Variants in ZNF595 observed in about 807,000 individuals in gnomAD.
ZNF595 encodes the protein zinc finger protein 595.
In ZNF595, 9 loss-of-function variants were observed where a neutral mutation model predicts 19.4. The ratio of observed to expected loss-of-function variants is 0.46; its 90% CI spans 0.28 to 0.81. The LOEUF (loss-of-function observed/expected upper bound fraction) is 0.81. ZNF595 is among the 30% of genes least tolerant of loss of function. The pLI is 0.11. For synonymous variants in ZNF595, 255 were observed against 255.9 expected (o/e 1.00, Z 0.03); for missense variants, 729 against 736.0 (o/e 0.99, Z 0.11).
chr4:55,183 G>A (rs1348662474), intron 1 of ZNF595, among the ~76,000 whole-genome samples: 3 of 151,456 alleles, frequency 2.0e-5, no homozygotes, highest in African/African-American at 2.4e-5. Flanking sequence ...CACCGCGCCC[G>A]GCCTCCCACC....
chr4:54,881 C>A (rs1413730958), intron 1 of ZNF595, among the ~76,000 whole-genome samples: 1 of 152,308 alleles, frequency 6.6e-6, no homozygotes. Flanking sequence ...CCTGCTCCCA[C>A]TCATGGCTTT....
At chr4:85,302 G>C (rs1054642205) in intron 3 of ZNF595, among the ~76,000 whole-genome samples, 5 of 152,188 alleles carry the variant, frequency 3.3e-5, no homozygotes, top group Non-Finnish European at 5.9e-5. Context: ...TCAGCTCTCT[G>C]TGTTGTTGGA....
chr4:74,627 AT>A (rs782544517), intron 3 of ZNF595, among the ~76,000 whole-genome samples: 3 of 152,228 alleles, frequency 2.0e-5, no homozygotes, highest in Non-Finnish European at 2.9e-5. Context: ...AGCAATCGAT[AT>A]ATGTAAGAAG....
chr4:66,419 A>G (rs1581332000), intron 3 of ZNF595, among the ~76,000 whole-genome samples: 1 of 151,528 alleles, frequency 6.6e-6, no homozygotes, highest in Non-Finnish European at 1.5e-5. Context: ...TGGGACTCTT[A>G]CTAAAACTTT....
At chr4:80,851 A>G (rs906389701) in intron 3 of ZNF595, among the ~76,000 whole-genome samples, 1 of 151,142 alleles carries the variant, frequency 6.6e-6, no homozygotes, top group Admixed American at 6.6e-5. Context: ...TCTGGGATAC[A>G]TGTGCAGAAT....
chr4:68,680 T>A (rs61792213), intron 3 of ZNF595, among the ~76,000 whole-genome samples: 1 of 148,028 alleles, frequency 6.8e-6, no homozygotes, highest in East Asian at 2.0e-4. Flanking sequence ...GTGATTTTGA[T>A]GAAGGCATGA....
Position 86,356 on chromosome 4 carries a change from C to G in ZNF595, c.852C>G (p.Tyr284Ter). The G allele has an allele frequency of 6.2e-7, 1 of 1,613,748 alleles. No individual in the cohort carries two copies. The highest frequency in any genetic ancestry group is 8.5e-7 in the Non-Finnish European group (1 of 1,179,896). ...AAATTCATACTGGAGAGAAACCCTA[C>G]AAATGTAAAGAATGTGGCAAAGCCT... ...HKKIHTGEKPYKCKECGKAFR... is the reference protein window; with the variant it reads ...HKKIHTGEKP The change falls in exon 4 of 4, where the codon TAC becomes TAG. Residue 284 changes from tyrosine to a stop codon, truncating the protein, a stop_gained. Transcript: ENST00000610261. LOFTEE classifies it high-confidence loss of function.
intron 3 of ZNF595, among the ~76,000 whole-genome samples, chr4:63,774 C>T (rs1581327154): frequency 3.3e-5 from 5 of 150,856 alleles, no homozygotes; most frequent in African/African-American, 1.2e-4. Flanking sequence ...CCAGCTATGA[C>T]CTTTCTTCTC....
chr4:57,353 C>T (rs1581314183), intron 1 of ZNF595, among the ~76,000 whole-genome samples: 3 of 152,240 alleles, frequency 2.0e-5, no homozygotes, highest in Admixed American at 6.5e-5. Context: ...GTTAGCTGAT[C>T]AGGGACAGGG....
intron 3 of ZNF595, among the ~76,000 whole-genome samples, chr4:66,720 A>G (rs1448546719): frequency 6.6e-6 from 1 of 152,252 alleles, no homozygotes; most frequent in Non-Finnish European, 1.5e-5. Context: ...TTGTGTGGTT[A>G]TAGCAACCTT....
At chr4:70,072 T>G (rs186062984) in intron 3 of ZNF595, among the ~76,000 whole-genome samples, 152 of 152,284 alleles carry the variant, frequency 1.0e-3, no homozygotes, top group African/African-American at 3.4e-3. Flanking sequence ...TCGCATTTAT[T>G]TAGTAAAGAC....
At chr4:72,763 C>G (rs2108755570) in intron 3 of ZNF595, among the ~76,000 whole-genome samples, 1 of 152,250 alleles carries the variant, frequency 6.6e-6, no homozygotes, top group East Asian at 1.9e-4. Flanking sequence ...AGGAATTCTG[C>G]TGGATTCTTC....
At position 87,630 on chromosome 4, in the gene ZNF595, CAT is replaced by C. The variant is rs1369603581; in HGVS notation, c.*180_*181del. The C allele has an allele frequency of 4.8e-5, 22 of 460,368 alleles. No homozygotes were observed. The highest frequency in any genetic ancestry group is 4.3e-4 in the East Asian group (12 of 28,074). 28.5% of individuals were successfully genotyped at this position (460,368 alleles called of 1,614,324 possible). On this transcript the variant is annotated 3_prime_UTR_variant, in exon 4 of 4. Coordinates refer to ENST00000610261, the MANE Select transcript of ZNF595 (RefSeq NM_182524.4). ...GGATTATTTTGATACAGGCATATGA[CAT>C]GTAATTATCACATCAGAGTAAATGA...
intron 3 of ZNF595, among the ~76,000 whole-genome samples, chr4:74,716 G>C (rs1392941898): frequency 6.6e-6 from 1 of 152,176 alleles, no homozygotes; most frequent in African/African-American, 2.4e-5. Context: ...GGGCTTCCAG[G>C]TCATAGGTAG....
At position 88,174 on chromosome 4, in the gene ZNF595, T is replaced by G. The variant is rs1714322237; in HGVS notation, c.*723T>G. On this transcript the variant is annotated 3_prime_UTR_variant, in exon 4 of 4. Transcript: ENST00000610261. ...TTATCTTTGAACATGTAGCATCTCTTTCCGCAAATAAATGCAGACTTTGGT... is the reference window on the plus strand; with the variant it reads ...TTATCTTTGAACATGTAGCATCTCTGTCCGCAAATAAATGCAGACTTTGGT... The G allele has an allele frequency of 6.6e-6, 1 of 152,194 alleles. No homozygotes were observed. Among genetic ancestry groups the G allele is most frequent in the African/African-American group, 2.4e-5 (1 of 41,452 alleles). The allele number at this position is 152,194 out of a possible 1,614,324, so 9.4% of individuals were successfully genotyped here. A position where few individuals can be genotyped will look rare whatever the true frequency, so the allele number is the denominator to read the frequency against.
In ZNF595 at chr4:85,757, C is replaced by G. The variant is rs782552932; in HGVS notation, c.253C>G (p.Leu85Val). The G allele has an allele frequency of 6.3e-7, 1 of 1,594,928 alleles. No individual in the cohort carries two copies. The highest frequency in any genetic ancestry group is 1.1e-5 in the South Asian group (1 of 88,146). ...PAICSPFSQD[L>V]SPVQGIEDSF... ...TATATGTTCTCCTTTCAGCCAAGAC[C>G]TTTCACCAGTGCAGGGGATAGAAGA... Residue 85 changes from leucine to valine, a missense_variant, in exon 4 of 4, where the codon CTT (leucine) becomes GTT (valine). Leu to Val is a conservative substitution (Grantham distance 32, BLOSUM62 1). This residue lies in a region of ZNF595 where 729 missense variants were observed against 675.3 expected (regional missense o/e 1.08). Coordinates refer to ENST00000610261, the MANE Select transcript of ZNF595 (RefSeq NM_182524.4).
At position 88,082 on chromosome 4, in the gene ZNF595, A is replaced by G. The variant is rs1484832797; in HGVS notation, c.*631A>G. On this transcript the variant is annotated 3_prime_UTR_variant, in exon 4 of 4. Coordinates refer to ENST00000610261, the MANE Select transcript of ZNF595 (RefSeq NM_182524.4). ...TACAGGTTATTTTATGATTATAATA[A>G]GTATATGAGTATAATTATAATTCAC... 1.3e-5 allele frequency: 2 copies of G among 152,144 alleles called. No individual in the cohort carries two copies. Among genetic ancestry groups the G allele is most frequent in the African/African-American group, 4.8e-5 (2 of 41,412 alleles). The allele number at this position is 152,144 out of a possible 1,614,324, so 9.4% of individuals were successfully genotyped here. A position where few individuals can be genotyped will look rare whatever the true frequency, so the allele number is the denominator to read the frequency against.
chr4:61,271 A>G (rs1581323181), intron 3 of ZNF595, among the ~76,000 whole-genome samples: 1 of 152,194 alleles, frequency 6.6e-6, no homozygotes, highest in African/African-American at 2.4e-5. Flanking sequence ...CCCGGGTTCA[A>G]ATGGTTCTTC....
rs1553801914 is a variant in ZNF595, at chr4:87,027, A to G, written c.1523A>G (p.Tyr508Cys). ...HKNIHTGEKP[Y>C]KCKECGKAFN... is the part of the protein sequence containing the mutation. ...AATATTCATACTGGAGAGAAACCCT[A>G]CAAATGTAAAGAATGTGGCAAAGCT... The change falls in exon 4 of 4, where the codon TAC becomes TGC. Residue 508 changes from tyrosine to cysteine, a missense_variant. Tyr to Cys is a radical substitution (Grantham distance 194, BLOSUM62 -2). This residue lies in a region of ZNF595 where 729 missense variants were observed against 675.3 expected (regional missense o/e 1.08). Transcript: ENST00000610261. The G allele has an allele frequency of 6.2e-6, 10 of 1,614,022 alleles. No individual in the cohort carries two copies. Among genetic ancestry groups the G allele is most frequent in the South Asian group, 1.1e-5 (1 of 91,072 alleles).
Sources: gnomAD v4.1 joint callset for allele counts (sites outside exome capture counted in the v4.1 genomes callset) on GRCh38, gnomAD v4.1.1 for gene constraint, gnomAD v4.1.1 regional missense constraint, MANE v1.5 for transcripts, NCBI Gene and HGNC (gene_info 2026-07-23, HGNC 2026-07-21) for gene names.